The following ROBO2 variants were observed in gnomAD, a reference collection of about 807,000 sequenced individuals.
ROBO2 encodes roundabout homolog 2.
In ROBO2, 53 loss-of-function variants were observed where a neutral mutation model predicts 160.8. That is an observed-to-expected ratio of 0.33 (90% CI 0.26 to 0.41). ROBO2 has a LOEUF of 0.41. ROBO2 is among the 10% of genes least tolerant of loss of function. ROBO2 has a pLI of 1.00. For missense variants in ROBO2, 1,577 were observed against 1,722.4 expected (o/e 0.92, Z 1.49); for synonymous variants, 664 against 611.7 (o/e 1.09, Z -1.26).
At chr3:77,040,931 T>A in intron 1 of ROBO2, 85 bp downstream of exon 1, 1 of 1,550,984 alleles carries the variant, frequency 6.4e-7, no homozygotes, top group Non-Finnish European at 8.9e-7. Flanking sequence ...TGATGTGGGT[T>A]ATAAATGAAA....
intron 2 of ROBO2, among the ~76,000 whole-genome samples, chr3:76,851,764 A>AATATATATATATATAT (rs1553659596): frequency 8.8e-5 from 12 of 137,076 alleles, no homozygotes; most frequent in African/African-American, 2.9e-4. Context: ...AAAAAAAAAA[A>AATATATATATATATAT]ATATTAACAT....
At chr3:77,570,534 T>C (rs1166925465) in intron 13 of ROBO2, among the ~76,000 whole-genome samples, 2 of 151,998 alleles carry the variant, frequency 1.3e-5, no homozygotes, top group Non-Finnish European at 1.5e-5. Context: ...TTTTCATACA[T>C]TTTACACTTT....
chr3:76,540,393 C>A (rs565269597), intron 2 of ROBO2, among the ~76,000 whole-genome samples: 1 of 152,244 alleles, frequency 6.6e-6, no homozygotes, highest in Admixed American at 6.5e-5. Flanking sequence ...TTTTTGTGAA[C>A]CTAGTAGTGG....
In ROBO2 at chr3:76,805,596, G is replaced by A. The variant is rs946265157; in HGVS notation, c.110-292418G>A. Among the ~76,000 whole-genome samples the A allele has an allele frequency of 4.6e-5, 7 of 151,512 alleles. No individual in the cohort carries two copies. The South Asian group carries it at 8.3e-4, about 18-fold the overall frequency. ...GAGAAATTAATTTTAGCCAATTTTA[G>A]TAGTAACATAGATCAGAAAAGCGAT... On this transcript the variant is annotated intron_variant, in intron 2 of 26. Transcript: ENST00000487694.
intron 2 of ROBO2, among the ~76,000 whole-genome samples, chr3:76,910,257 C>G (rs1396634884): frequency 6.6e-6 from 1 of 152,050 alleles, no homozygotes; most frequent in East Asian, 1.9e-4. Flanking sequence ...ACTACAAAAA[C>G]TTTTACTGAA....
chr3:76,280,396 A>T (rs562256470), intron 2 of ROBO2, among the ~76,000 whole-genome samples: 2 of 151,956 alleles, frequency 1.3e-5, no homozygotes, highest in South Asian at 4.1e-4. Flanking sequence ...GAGGAAAAAC[A>T]TGGAGGTGTG....
chr3:77,514,037 T>A (rs2153619082), intron 5 of ROBO2, among the ~76,000 whole-genome samples: 1 of 151,866 alleles, frequency 6.6e-6, no homozygotes, highest in East Asian at 1.9e-4. Context: ...ATCAGTAATG[T>A]TTTTTCATCT....
chr3:77,242,042 C>T (rs1436148027), intron 2 of ROBO2, among the ~76,000 whole-genome samples: 2 of 152,152 alleles, frequency 1.3e-5, no homozygotes, highest in Admixed American at 6.5e-5. Context: ...CTTTTAGCAA[C>T]TTACTTTGAT....
Position 76,080,979 on chromosome 3 carries a change from A to G in ROBO2, c.109+143377A>G, listed in dbSNP as rs1177709497. ...CTAATGTTAAAGAGACTGGCTTGTT[A>G]ACAGAAAAAAATTCAACCAAGTGAA... is the stretch of plus-strand genomic sequence containing the variant. On this transcript the variant is annotated intron_variant, in intron 2 of 26. Transcript: ENST00000487694. Among the ~76,000 whole-genome samples, 9 of 152,194 alleles carry G rather than the reference A, an allele frequency of 5.9e-5. No homozygotes were observed. In the South Asian group the frequency reaches 1.9e-3, roughly 32 times the overall value.
At chr3:76,332,661 T>C (rs751928404) in intron 2 of ROBO2, among the ~76,000 whole-genome samples, 9 of 152,328 alleles carry the variant, frequency 5.9e-5, no homozygotes, top group Non-Finnish European at 1.0e-4. Context: ...AATTTGAACT[T>C]CAAATGGAAA....
intron 2 of ROBO2, among the ~76,000 whole-genome samples, chr3:76,885,104 A>G (rs923799120): frequency 1.2e-4 from 19 of 152,180 alleles, no homozygotes; most frequent in Admixed American, 1.0e-3. Flanking sequence ...GACTTGAGCC[A>G]GGAGAAAAAA....
chr3:76,938,315 C>T (rs952548618), intron 2 of ROBO2, among the ~76,000 whole-genome samples: 1 of 151,990 alleles, frequency 6.6e-6, no homozygotes, highest in Non-Finnish European at 1.5e-5. Flanking sequence ...GACTGTGCTT[C>T]TGCACTCCAG....
At chr3:77,000,083 C>A (rs1376995876) in intron 2 of ROBO2, among the ~76,000 whole-genome samples, 1 of 151,990 alleles carries the variant, frequency 6.6e-6, no homozygotes, top group Non-Finnish European at 1.5e-5. Context: ...GTCGAGATGA[C>A]CTGATTAATG....
At position 77,492,401 on chromosome 3, in the gene ROBO2, T is replaced by A. The variant is rs758248446; in HGVS notation, c.668-843T>A. ...TAAGAATCTTATGGATAGGAAAAGA[T>A]TTTTATGGATACAGACTTATTTTTC... On this transcript the variant is annotated intron_variant, in intron 4 of 25. Transcript: ENST00000461745. 5.3e-5 allele frequency among the ~76,000 whole-genome samples: 8 copies of A among 152,148 alleles called. 1 individual carries two copies. The South Asian group carries it at 8.3e-4, about 16-fold the overall frequency.
chr3:77,574,414 T>C (rs538516093), intron 13 of ROBO2, 85 bp from the exon 15 acceptor site: 567 of 1,146,712 alleles, frequency 4.9e-4, no homozygotes, highest in Middle Eastern at 1.9e-3. Flanking sequence ...AGGACAGAAA[T>C]GGGACAAATG....
chr3:77,042,647 GCAGCA>G (rs2064213367), intron 1 of ROBO2, among the ~76,000 whole-genome samples: 1 of 152,164 alleles, frequency 6.6e-6, no homozygotes, highest in East Asian at 1.9e-4. Flanking sequence ...GCTTGCTGGA[GCAGCA>G]GTAGTAAGAC....
intron 2 of ROBO2, among the ~76,000 whole-genome samples, chr3:76,088,040 T>C (rs554567480): frequency 6.6e-6 from 1 of 152,216 alleles, no homozygotes; most frequent in South Asian, 2.1e-4. Flanking sequence ...AGAGATATAC[T>C]ATGCTAACAC....
intron 1 of ROBO2, among the ~76,000 whole-genome samples, chr3:77,065,508 G>A (rs2066748618): frequency 6.6e-6 from 1 of 152,010 alleles, no homozygotes; most frequent in African/African-American, 2.4e-5. Context: ...AAGTAACAAG[G>A]TTTCTTGCAA....
At chr3:77,436,423 T>C (rs73099891) in intron 2 of ROBO2, among the ~76,000 whole-genome samples, 11,931 of 151,748 alleles carry the variant, frequency 0.079, 554 homozygotes, top group African/African-American at 0.11. Flanking sequence ...TATGGAAAAA[T>C]AGCCTACCAC....
Sources: gnomAD v4.1 joint callset for allele counts (sites outside exome capture counted in the v4.1 genomes callset) on GRCh38, gnomAD v4.1.1 for gene constraint, MANE v1.5 for transcripts, NCBI Gene and HGNC (gene_info 2026-07-23, HGNC 2026-07-21) for gene names.